Variants in MALRD1 observed in about 807,000 individuals in gnomAD.
The protein encoded by MALRD1 is MAM and LDL receptor class A domain containing 1.
Under a neutral mutation model 242.1 loss-of-function variants are expected in MALRD1, and 247 were observed. The observed-to-expected ratio is 1.02, with a 90% CI of 0.92 to 1.13. The LOEUF (loss-of-function observed/expected upper bound fraction) is 1.13. Ranked by LOEUF, MALRD1 falls within the 50% of genes most tolerant of loss-of-function variation. The pLI is 0.00. For missense variants in MALRD1, 2,989 were observed against 2,533.1 expected, an observed-to-expected ratio of 1.18 and a Z score of -3.86; for synonymous variants, 995 against 866.6, an observed-to-expected ratio of 1.15 and a Z score of -2.60.
At chr10:19,561,793 C>T (rs1410521975) in intron 32 of MALRD1, among the ~76,000 whole-genome samples, 1 of 152,018 alleles carries the variant, frequency 6.6e-6, no homozygotes, top group Non-Finnish European at 1.5e-5. Flanking sequence ...CCTTCTCCCC[C>T]ATGGAGAACT....
At chr10:19,159,821 A>T (rs1194935390) in intron 12 of MALRD1, among the ~76,000 whole-genome samples, 1 of 152,144 alleles carries the variant, frequency 6.6e-6, no homozygotes, top group Non-Finnish European at 1.5e-5. Flanking sequence ...ACTCATCCAT[A>T]TGCAGTAACT....
chr10:19,238,467 TAA>T (rs1838549190), intron 18 of MALRD1, among the ~76,000 whole-genome samples: 2 of 44,648 alleles, frequency 4.5e-5, no homozygotes, highest in South Asian at 1.3e-3. Flanking sequence ...ATATATAATA[TAA>T]TATATAATAT....
At chr10:19,383,250 G>C (rs1845912693) in intron 26 of MALRD1, among the ~76,000 whole-genome samples, 1 of 151,960 alleles carries the variant, frequency 6.6e-6, no homozygotes, top group Admixed American at 6.6e-5. Context: ...TCCTTTCTTA[G>C]TGTCCGTATG....
chr10:19,725,578 G>A (rs1426498539), intron 38 of MALRD1, among the ~76,000 whole-genome samples: 1 of 152,102 alleles, frequency 6.6e-6, no homozygotes, highest in Non-Finnish European at 1.5e-5. Flanking sequence ...AATTCCAACA[G>A]CCATTTTTGC....
intron 7 of MALRD1, among the ~76,000 whole-genome samples, chr10:19,125,315 TTC>T (rs1837229254): frequency 1.6e-5 from 1 of 64,360 alleles, no homozygotes; most frequent in Non-Finnish European, 3.0e-5. Context: ...CCTTCCTTCC[TTC>T]CTTCCTTCTT....
At chr10:19,408,636 G>T (rs1285120212) in intron 28 of MALRD1, among the ~76,000 whole-genome samples, 5 of 152,078 alleles carry the variant, frequency 3.3e-5, no homozygotes, top group Admixed American at 1.3e-4. Context: ...TCACTGAAAA[G>T]AATATACAGT....
chr10:19,533,097 C>T (rs1294274185), intron 32 of MALRD1, among the ~76,000 whole-genome samples: 3 of 152,152 alleles, frequency 2.0e-5, no homozygotes, highest in East Asian at 1.9e-4. Context: ...AGGCAGATTT[C>T]GGTCACTTTC....
intron 14 of MALRD1, among the ~76,000 whole-genome samples, chr10:19,200,618 C>A (rs930251152): frequency 8.7e-5 from 8 of 91,790 alleles, no homozygotes; most frequent in Admixed American, 2.1e-4. Context: ...TGATTCTGGG[C>A]TTTTTTTTTC....
At chr10:19,302,276 G>C (rs1432837839) in intron 21 of MALRD1, among the ~76,000 whole-genome samples, 1 of 151,744 alleles carries the variant, frequency 6.6e-6, no homozygotes, top group East Asian at 1.9e-4. Context: ...GTCACCATAT[G>C]ATTCATAGGT....
At chr10:19,612,892 C>T (rs1364425866) in intron 35 of MALRD1, among the ~76,000 whole-genome samples, 1 of 152,026 alleles carries the variant, frequency 6.6e-6, no homozygotes, top group Admixed American at 6.6e-5. Context: ...GGCCCCACCT[C>T]TAACACTGGG....
chr10:19,049,221 A>G (rs1834414500), intron 1 of MALRD1, 84 bp downstream of exon 1: 2 of 1,105,812 alleles, frequency 1.8e-6, no homozygotes, highest in East Asian at 6.4e-5. Context: ...AGATTTGGCT[A>G]GATACTTGGC....
intron 33 of MALRD1, among the ~76,000 whole-genome samples, chr10:19,590,773 T>C (rs952082953): frequency 1.2e-4 from 19 of 152,252 alleles, no homozygotes; most frequent in Non-Finnish European, 2.8e-4. Context: ...CACAGCAGAA[T>C]TGAGAAGAAA....
At chr10:19,125,234 T>C (rs1271053113) in intron 7 of MALRD1, among the ~76,000 whole-genome samples, 1 of 151,972 alleles carries the variant, frequency 6.6e-6, no homozygotes. Flanking sequence ...GTTTGAGCCA[T>C]CATGCCCGGC....
intron 14 of MALRD1, among the ~76,000 whole-genome samples, chr10:19,195,045 A>G (rs1474044467): frequency 6.7e-6 from 1 of 149,856 alleles, no homozygotes; most frequent in Non-Finnish European, 1.5e-5. Flanking sequence ...TGTCCTGCCC[A>G]GGATGTGGAA....
Position 19,146,351 on chromosome 10 carries a change from C to T in MALRD1, c.1558+7C>T. 1 of 1,230,156 alleles carries T rather than the reference C, an allele frequency of 8.1e-7. No homozygotes were observed. The highest frequency in any genetic ancestry group is 1.6e-5 in the African/African-American group (1 of 64,386). The allele number at this position is 1,230,156 out of a possible 1,614,324, so 76.2% of individuals were successfully genotyped here. On this transcript the variant is annotated splice_region_variant and intron_variant, in intron 11 of 39. Coordinates refer to ENST00000454679, the MANE Select transcript of MALRD1 (RefSeq NM_001142308.3). ...ACAGCAAACATAAATCATGGTAGGA[C>T]ATTTTCCTCTTTAAAAAAAAATAGT...
chr10:19,235,038 G>A (rs771435983), intron 18 of MALRD1, among the ~76,000 whole-genome samples: 8 of 152,128 alleles, frequency 5.3e-5, no homozygotes, highest in African/African-American at 1.4e-4. Flanking sequence ...TTTATAAAGC[G>A]TGAGTCAGAG....
At chr10:19,676,657 G>C (rs999603456) in intron 36 of MALRD1, among the ~76,000 whole-genome samples, 2 of 152,084 alleles carry the variant, frequency 1.3e-5, no homozygotes, top group East Asian at 3.8e-4. Flanking sequence ...ACATACAAAT[G>C]TCACTGTTTT....
At position 19,443,957 on chromosome 10, in the gene MALRD1, G is replaced by A. The variant is rs11527568; in HGVS notation, c.4846-6350G>A. On this transcript the variant is annotated intron_variant, in intron 28 of 39. Coordinates refer to ENST00000454679, the MANE Select transcript of MALRD1 (RefSeq NM_001142308.3). ...TGTGGGAGTCTAAGTCTCTTTGTAGGTCTCTAAGGACTTGCTTTATGAATC... is the reference window on the plus strand; with the variant it reads ...TGTGGGAGTCTAAGTCTCTTTGTAGATCTCTAAGGACTTGCTTTATGAATC... Among the ~76,000 whole-genome samples, 68 of 152,220 alleles carry A rather than the reference G, an allele frequency of 4.5e-4. 1 individual carries two copies. The East Asian group carries it at 0.012, about 26-fold the overall frequency.
chr10:19,430,593 A>G (rs1834090163), intron 28 of MALRD1, among the ~76,000 whole-genome samples: 2 of 152,190 alleles, frequency 1.3e-5, no homozygotes, highest in Admixed American at 6.5e-5. Context: ...ACACACAAGT[A>G]TAATCATTAC....
Sources: gnomAD v4.1 joint callset for allele counts (sites outside exome capture counted in the v4.1 genomes callset) on GRCh38, gnomAD v4.1.1 for gene constraint, MANE v1.5 for transcripts, NCBI Gene and HGNC (gene_info 2026-07-23, HGNC 2026-07-21) for gene names.